Variants in HSD17B1 observed in about 807,000 individuals in gnomAD.
HSD17B1 encodes hydroxysteroid 17-beta dehydrogenase 1.
In HSD17B1, 16 loss-of-function variants were observed where a neutral mutation model predicts 22.7. That is an observed-to-expected ratio of 0.71 (90% confidence interval 0.48 to 1.07). The LOEUF is 1.07. Ranked by LOEUF, HSD17B1 falls within the 50% of genes least tolerant of loss-of-function variation. The pLI, the probability that HSD17B1 is intolerant of heterozygous loss-of-function variation, is 0.00. For missense variants in HSD17B1, 533 were observed against 459.9 expected, an observed-to-expected ratio of 1.16 and a Z score of -1.45; for synonymous variants, 243 against 211.0, an observed-to-expected ratio of 1.15 and a Z score of -1.31.
In HSD17B1 at chr17:42,553,424, C is replaced by G; in HGVS notation, c.266-15C>G. The G allele has an allele frequency of 6.2e-7, 1 of 1,611,092 alleles. No homozygotes were observed. The highest frequency in any genetic ancestry group is 8.5e-7 in the Non-Finnish European group (1 of 1,179,808). ...TGATGCTGAGGCGGGCTGGTCGGGCCTCTTGTCTCCGCAGTGTGTAACGCA... is the reference window on the plus strand; with the variant it reads ...TGATGCTGAGGCGGGCTGGTCGGGCGTCTTGTCTCCGCAGTGTGTAACGCA... On this transcript the variant is annotated splice_polypyrimidine_tract_variant and intron_variant, in intron 2 of 5. Transcript: ENST00000585807.
At position 42,554,402 on chromosome 17, in the gene HSD17B1, C is replaced by G. The variant is rs752247564; in HGVS notation, c.540-3C>G. The G allele has an allele frequency of 1.3e-6, 2 of 1,595,438 alleles. No individual in the cohort carries two copies. The highest frequency in any genetic ancestry group is 8.6e-7 in the Non-Finnish European group (1 of 1,167,464). ...CTCCCACTCGTTGCTCTCCGGCCAG[C>G]AGCTTGAGCCTGATCGAGTGCGGCC... On this transcript the variant is annotated splice_region_variant and splice_polypyrimidine_tract_variant and intron_variant, in intron 4 of 5. Transcript: ENST00000585807.
Position 42,554,406 on chromosome 17 carries a change from T to A in HSD17B1, c.541T>A (p.Leu181Met). ...CACTCGTTGCTCTCCGGCCAGCAGC[T>A]TGAGCCTGATCGAGTGCGGCCCAGT... ...AVLLLPFGVH[L>M]SLIECGPVHT... Residue 181 changes from leucine to methionine, a missense_variant and splice_region_variant, in exon 5 of 6, where the codon TTG becomes ATG. Coordinates refer to ENST00000585807, the MANE Select transcript of HSD17B1 (RefSeq NM_000413.4). 6.2e-7 allele frequency: 1 copy of A among 1,604,174 alleles called. No homozygotes were observed. Among genetic ancestry groups the A allele is most frequent in the Non-Finnish European group, 8.5e-7 (1 of 1,174,042 alleles).
At position 42,554,903 on chromosome 17, in the gene HSD17B1, C is replaced by T. The variant is rs749080289; in HGVS notation, c.952C>T (p.Pro318Ser). ...GGCCGGGCGCGGTGCGGTGGGGGAC[C>T]CTGAGCTCGGCGATCCTCCGGCCGC... ...DEAGRGAVGD[P>S]ELGDPPAAPQ Residue 318 changes from proline to serine, a missense_variant, in exon 6 of 6, where the codon CCT becomes TCT. Coordinates refer to ENST00000585807, the MANE Select transcript of HSD17B1 (RefSeq NM_000413.4). 6.7e-6 allele frequency: 10 copies of T among 1,502,546 alleles called. No individual in the cohort carries two copies. In the East Asian group the frequency reaches 2.4e-4, roughly 37 times the overall value. The allele number at this position is 1,502,546 out of a possible 1,614,324, so 93.1% of individuals were successfully genotyped here.
In HSD17B1 at chr17:42,554,571, G is replaced by C; in HGVS notation, c.706G>C (p.Glu236Gln). The part of the protein sequence containing the change: ...VFREAAQNPE[E>Q]VAEVFLTALR... Reference sequence around the variant, plus strand: ...TCGCGAGGCGGCGCAGAACCCTGAGGAGGTGGCGGAGGTGAGCGCCGGGCT... The same window carrying C: ...TCGCGAGGCGGCGCAGAACCCTGAGCAGGTGGCGGAGGTGAGCGCCGGGCT... The change falls in exon 5 of 6, where the codon GAG becomes CAG. Residue 236 changes from glutamate (E) to glutamine (Q), a missense_variant. Physicochemically the swap from Glu to Gln is conservative, Grantham distance 29 (BLOSUM62 2). Coordinates refer to ENST00000585807, the MANE Select transcript of HSD17B1 (RefSeq NM_000413.4). The C allele has an allele frequency of 6.2e-7, 1 of 1,613,404 alleles. No homozygotes were observed. Among genetic ancestry groups the C allele is most frequent in the Non-Finnish European group, 8.5e-7 (1 of 1,179,710 alleles).
At position 42,554,690 on chromosome 17, in the gene HSD17B1, G is replaced by A; in HGVS notation, c.739G>A (p.Ala247Thr). The change falls in exon 6 of 6, where the codon GCC (alanine) becomes ACC (threonine). Residue 247 changes from alanine (A) to threonine (T), a missense_variant. Transcript: ENST00000585807. ...VAEVFLTALR[A>T]PKPTLRYFTT... Reference sequence around the variant, plus strand: ...GCAGGTCTTCCTCACCGCTTTGCGCGCCCCGAAGCCGACCCTGCGCTACTT... The same window carrying A: ...GCAGGTCTTCCTCACCGCTTTGCGCACCCCGAAGCCGACCCTGCGCTACTT... The A allele has an allele frequency of 1.2e-6, 2 of 1,603,574 alleles. No individual in the cohort carries two copies. Among genetic ancestry groups the A allele is most frequent in the South Asian group, 1.1e-5 (1 of 91,044 alleles).
Position 42,554,714 on chromosome 17 carries a change from T to A in HSD17B1, c.763T>A (p.Phe255Ile), listed in dbSNP as rs201464695. 16 of 1,603,352 alleles carry A rather than the reference T, an allele frequency of 1.0e-5. No individual in the cohort carries two copies. The highest frequency in any genetic ancestry group is 9.9e-5 in the South Asian group (9 of 91,068). Reference sequence around the variant, plus strand: ...CGCCCCGAAGCCGACCCTGCGCTACTTCACCACCGAGCGCTTCCTGCCCCT... The same window carrying A: ...CGCCCCGAAGCCGACCCTGCGCTACATCACCACCGAGCGCTTCCTGCCCCT... The part of the protein sequence containing the change: ...LRAPKPTLRY[F>I]TTERFLPLLR... The change falls in exon 6 of 6, where the codon TTC becomes ATC. Residue 255 changes from phenylalanine (F) to isoleucine (I), a missense_variant. Transcript: ENST00000585807.
At chr17:42,554,161 A>C (rs1431671586) in intron 4 of HSD17B1, 1 of 665,768 alleles carries the variant, frequency 1.5e-6, no homozygotes, top group Non-Finnish European at 2.5e-6. Flanking sequence ...ACCCCGCTAG[A>C]TTCGAATCCT....
intron 4 of HSD17B1, 167 bp downstream of exon 4, chr17:42,554,054 A>G: frequency 1.5e-6 from 1 of 683,024 alleles, no homozygotes; most frequent in Non-Finnish European, 2.6e-6. Context: ...GCATTGTGCC[A>G]CCTGCTGACC....
intron 5 of HSD17B1, 43 bp from the exon 6 acceptor site, chr17:42,554,626 C>G (rs752900898): frequency 6.2e-7 from 1 of 1,606,396 alleles, no homozygotes; most frequent in East Asian, 2.2e-5. Context: ...GGTGCGTCCT[C>G]CGGCGCGCAG....
In HSD17B1 at chr17:42,553,488, G is replaced by A; in HGVS notation, c.315G>A (p.Glu105=). The A allele has an allele frequency of 1.9e-6, 3 of 1,613,814 alleles. No individual in the cohort carries two copies. The highest frequency in any genetic ancestry group is 2.5e-6 in the Non-Finnish European group (3 of 1,179,906). ...TGGGGCCGCTGGAGGCGCTGGGGGA[G>A]GACGCCGTGGCCTCTGTGCTGGACG... The part of the protein sequence containing the change: ...GLLGPLEALG[E]DAVASVLDVN... The change falls in exon 3 of 6, where the codon GAG becomes GAA. Residue 105 remains glutamate, a synonymous_variant. Coordinates refer to ENST00000585807, the MANE Select transcript of HSD17B1 (RefSeq NM_000413.4).
rs1203183714 is a variant in HSD17B1, at chr17:42,554,918, C to T, written c.967C>T (p.Pro323Ser). 1.4e-6 allele frequency: 2 copies of T among 1,476,760 alleles called. No homozygotes were observed. The highest frequency in any genetic ancestry group is 1.8e-6 in the Non-Finnish European group (2 of 1,122,996). The allele number at this position is 1,476,760 out of a possible 1,614,324, so 91.5% of individuals were successfully genotyped here. Residue 323 changes from proline (P) to serine (S), a missense_variant, in exon 6 of 6, where the codon CCT becomes TCT. By Grantham distance (74) the Pro-to-Ser change is moderately conservative. Coordinates refer to ENST00000585807, the MANE Select transcript of HSD17B1 (RefSeq NM_000413.4). ...GGTGGGGGACCCTGAGCTCGGCGATCCTCCGGCCGCCCCGCAGTAAAGGCT... is the reference window on the plus strand; with the variant it reads ...GGTGGGGGACCCTGAGCTCGGCGATTCTCCGGCCGCCCCGCAGTAAAGGCT... ...GAVGDPELGDPPAAPQ is the reference protein window; with the variant it reads ...GAVGDPELGDSPAAPQ
Position 42,553,493 on chromosome 17 carries a change from C to G in HSD17B1, c.320C>G (p.Ala107Gly). The G allele has an allele frequency of 6.2e-7, 1 of 1,613,850 alleles. No individual in the cohort carries two copies. The highest frequency in any genetic ancestry group is 8.5e-7 in the Non-Finnish European group (1 of 1,179,910). The change falls in exon 3 of 6, where the codon GCC becomes GGC. Residue 107 changes from alanine (A) to glycine (G), a missense_variant. Ala to Gly is a moderately conservative substitution (Grantham distance 60). Coordinates refer to ENST00000585807, the MANE Select transcript of HSD17B1 (RefSeq NM_000413.4). ...LGPLEALGED[A>G]VASVLDVNVV... ...CCGCTGGAGGCGCTGGGGGAGGACGCCGTGGCCTCTGTGCTGGACGTGAAT... is the reference window on the plus strand; with the variant it reads ...CCGCTGGAGGCGCTGGGGGAGGACGGCGTGGCCTCTGTGCTGGACGTGAAT...
rs765973066 is a variant in HSD17B1 at position 42,554,386 on chromosome 17, G to C, written c.540-19G>C. 2 of 1,584,472 alleles carry C rather than the reference G, an allele frequency of 1.3e-6. No homozygotes were observed. Among genetic ancestry groups the C allele is most frequent in the African/African-American group, 1.3e-5 (1 of 74,244 alleles). On this transcript the variant is annotated intron_variant, in intron 4 of 5. Transcript: ENST00000585807. The stretch of plus-strand genomic sequence containing the variant: ...GGCTGGCGTCCGCCCCCTCCCACTC[G>C]TTGCTCTCCGGCCAGCAGCTTGAGC...
intron 5 of HSD17B1, 43 bp downstream of exon 5, chr17:42,554,625 T>G: frequency 6.2e-7 from 1 of 1,606,704 alleles, no homozygotes; most frequent in Non-Finnish European, 8.5e-7. Flanking sequence ...CGGTGCGTCC[T>G]CCGGCGCGCA....
Position 42,552,975 on chromosome 17 carries a change from C to A in HSD17B1, c.42C>A (p.Gly14=). 6.2e-7 allele frequency: 1 copy of A among 1,614,160 alleles called. No homozygotes were observed. The highest frequency in any genetic ancestry group is 1.3e-5 in the African/African-American group (1 of 75,062). ...TGCTCATCACCGGCTGTTCCTCGGG[C>A]ATCGGCCTGCACTTGGCCGTACGTC... ...TVVLITGCSS[G]IGLHLAVRLA... The change falls in exon 1 of 6, where the codon GGC becomes GGA. Residue 14 remains glycine (G), a synonymous_variant. Transcript: ENST00000585807.
Position 42,555,161 on chromosome 17 carries a change from G to C in HSD17B1, c.*223G>C. ...AAGCCCCGGAGTTGGAGACCAGCCAGAGCAACACAGTGAGACCCCCATCTC... is the reference window on the plus strand; with the variant it reads ...AAGCCCCGGAGTTGGAGACCAGCCACAGCAACACAGTGAGACCCCCATCTC... On this transcript the variant is annotated 3_prime_UTR_variant, in exon 6 of 6. Coordinates refer to ENST00000585807, the MANE Select transcript of HSD17B1 (RefSeq NM_000413.4). The C allele has an allele frequency of 1.2e-6, 1 of 821,506 alleles. No homozygotes were observed. The highest frequency in any genetic ancestry group is 1.7e-6 in the Non-Finnish European group (1 of 574,996). 50.9% of individuals were successfully genotyped at this position (821,506 alleles called of 1,614,324 possible). A position where few individuals can be genotyped will look rare whatever the true frequency, so the allele number is the denominator to read the frequency against.
Position 42,553,222 on chromosome 17 carries a change from G to A in HSD17B1, c.196G>A (p.Asp66Asn). ...GGGATCCCTGGAGACGTTGCAGCTG[G>A]ACGTAAGGGACTCAAAATCCGTGGC... is the stretch of plus-strand genomic sequence containing the variant. The part of the protein sequence containing the change: ...PPGSLETLQL[D>N]VRDSKSVAAA... Residue 66 changes from aspartate (D) to asparagine (N), a missense_variant, in exon 2 of 6, where the codon GAC (aspartate) becomes AAC (asparagine). Asp to Asn is a conservative substitution (Grantham distance 23). Transcript: ENST00000585807. The A allele has an allele frequency of 1.2e-6, 2 of 1,613,654 alleles. No individual in the cohort carries two copies. The highest frequency in any genetic ancestry group is 1.7e-6 in the Non-Finnish European group (2 of 1,180,036).
chr17:42,553,273 G>A lies in HSD17B1; in HGVS notation c.247G>A (p.Gly83Ser), dbSNP rs758689455. The stretch of plus-strand genomic sequence containing the variant: ...CGCTGCCCGGGAACGCGTGACTGAG[G>A]GCCGCGTGGACGTGCTGGGTGAGCC... Reference protein sequence around the residue: ...VAAARERVTEGRVDVLVCNAG... With the variant: ...VAAARERVTESRVDVLVCNAG... The change falls in exon 2 of 6, where the codon GGC becomes AGC. Residue 83 changes from glycine (G) to serine (S), a missense_variant. Transcript: ENST00000585807. 1 of 1,609,824 alleles carries A rather than the reference G, an allele frequency of 6.2e-7. No individual in the cohort carries two copies. Among genetic ancestry groups the A allele is most frequent in the Non-Finnish European group, 8.5e-7 (1 of 1,179,888 alleles).
At position 42,555,132 on chromosome 17, in the gene HSD17B1, G is replaced by C; in HGVS notation, c.*194G>C. The C allele has an allele frequency of 8.3e-7, 1 of 1,200,176 alleles. No homozygotes were observed. The highest frequency in any genetic ancestry group is 1.1e-6 in the Non-Finnish European group (1 of 915,910). The allele number at this position is 1,200,176 out of a possible 1,614,324, so 74.3% of individuals were successfully genotyped here. A position where few individuals can be genotyped will look rare whatever the true frequency, so the allele number is the denominator to read the frequency against. ...TTTGGGAGGCGGAGGCAGGAGGATC[G>C]CTCAAGCCCCGGAGTTGGAGACCAG... is the stretch of plus-strand genomic sequence containing the variant. On this transcript the variant is annotated 3_prime_UTR_variant, in exon 6 of 6. Transcript: ENST00000585807.
Sources: allele counts gnomAD v4.1 joint callset, GRCh38; gene constraint gnomAD v4.1.1; transcripts MANE v1.5; gene names NCBI Gene and HGNC (gene_info 2026-07-23, HGNC 2026-07-21).